Variants in ADGRV1 observed in about 807,000 individuals in gnomAD.
ADGRV1 encodes G-protein coupled receptor 98.
In ADGRV1, 359 loss-of-function variants were observed where a neutral mutation model predicts 596.2. The observed-to-expected ratio is 0.60, with a 90% CI of 0.55 to 0.66. ADGRV1 has a LOEUF of 0.66. Ranked by LOEUF, ADGRV1 falls within the 30% of genes least tolerant of loss-of-function variation. The pLI, the probability that ADGRV1 is intolerant of heterozygous loss-of-function variation, is 0.00. For synonymous variants in ADGRV1, 2,681 were observed against 2,679.2 expected, an observed-to-expected ratio of 1.00 and a Z score of -0.02; for missense variants, 7,274 against 7,575.6, an observed-to-expected ratio of 0.96 and a Z score of 1.48.
intron 29 of ADGRV1, among the ~76,000 whole-genome samples, chr5:90,688,687 A>T (rs141068807): frequency 0.011 from 1,722 of 152,278 alleles, 15 homozygotes; most frequent in Middle Eastern, 0.037. Flanking sequence ...TGGCCAAATT[A>T]TCTATGAATT....
At chr5:90,686,337 T>C (rs1745641520) in intron 29 of ADGRV1, among the ~76,000 whole-genome samples, 1 of 152,114 alleles carries the variant, frequency 6.6e-6, no homozygotes, top group Non-Finnish European at 1.5e-5. Context: ...TGGCATTAGG[T>C]ATATCTCCTA....
At chr5:90,901,617 A>C (rs1371528088) in intron 83 of ADGRV1, among the ~76,000 whole-genome samples, 1 of 152,136 alleles carries the variant, frequency 6.6e-6, no homozygotes, top group Non-Finnish European at 1.5e-5. Context: ...TAATTTTTTA[A>C]AAATTAGTAC....
chr5:91,114,353 C>T (rs1436759597), intron 87 of ADGRV1, among the ~76,000 whole-genome samples: 1 of 152,066 alleles, frequency 6.6e-6, no homozygotes, highest in East Asian at 1.9e-4. Flanking sequence ...ATGGTGAAAC[C>T]CCATCTCTAC....
At chr5:90,764,599 A>G (rs1756883931) in intron 59 of ADGRV1, among the ~76,000 whole-genome samples, 1 of 152,014 alleles carries the variant, frequency 6.6e-6, no homozygotes, top group Non-Finnish European at 1.5e-5. Flanking sequence ...CCTTTGTCCC[A>G]AGGGGACTTT....
intron 70 of ADGRV1, among the ~76,000 whole-genome samples, chr5:90,799,935 G>C (rs1761174253): frequency 6.6e-6 from 1 of 152,032 alleles, no homozygotes; most frequent in South Asian, 2.1e-4. Flanking sequence ...ACTCAAGATG[G>C]ATTAAAGACT....
At chr5:90,866,129 C>A (rs890347035) in intron 83 of ADGRV1, among the ~76,000 whole-genome samples, 1 of 152,032 alleles carries the variant, frequency 6.6e-6, no homozygotes. Context: ...TGAACTAGGA[C>A]TAAGTAGAAC....
chr5:90,866,809 A>G (rs1768164972), intron 83 of ADGRV1, among the ~76,000 whole-genome samples: 1 of 152,156 alleles, frequency 6.6e-6, no homozygotes, highest in African/African-American at 2.4e-5. Flanking sequence ...ATTGATACAG[A>G]AAAATGTTTT....
intron 69 of ADGRV1, among the ~76,000 whole-genome samples, chr5:90,790,501 C>T (rs1759947521): frequency 6.6e-6 from 1 of 152,062 alleles, no homozygotes; most frequent in African/African-American, 2.4e-5. Context: ...TAAAAACAAA[C>T]AAAAATTCTG....
intron 78 of ADGRV1, among the ~76,000 whole-genome samples, chr5:90,843,698 T>C (rs945706344): frequency 6.6e-6 from 1 of 152,182 alleles, no homozygotes; most frequent in Non-Finnish European, 1.5e-5. Flanking sequence ...TCTCTTAGCA[T>C]ACACCAAAGC....
At chr5:90,645,330 G>A (rs1370631216) in intron 15 of ADGRV1, among the ~76,000 whole-genome samples, 2 of 152,174 alleles carry the variant, frequency 1.3e-5, no homozygotes, top group Non-Finnish European at 2.9e-5. Flanking sequence ...AACAGCTGTG[G>A]AGGCCAGTCC....
chr5:90,906,485 T>C (rs1772336250), intron 83 of ADGRV1, among the ~76,000 whole-genome samples: 1 of 152,200 alleles, frequency 6.6e-6, no homozygotes, highest in African/African-American at 2.4e-5. Context: ...TTTGTCCATT[T>C]CTTCTAGATT....
intron 74 of ADGRV1, among the ~76,000 whole-genome samples, chr5:90,813,392 G>A (rs1381500922): frequency 1.3e-5 from 2 of 151,974 alleles, no homozygotes; most frequent in Non-Finnish European, 2.9e-5. Context: ...AAGTGGCAGA[G>A]GACTCTTTAG....
Position 90,777,917 on chromosome 5 carries a change from C to T in ADGRV1, c.12540C>T (p.Gly4180=), listed in dbSNP as rs1359971404. 1.9e-6 allele frequency: 3 copies of T among 1,610,624 alleles called. No individual in the cohort carries two copies. The highest frequency in any genetic ancestry group is 3.3e-5 in the Admixed American group (2 of 59,866). The change falls in exon 62 of 90, where the codon GGC becomes GGT. Residue 4180 remains glycine (G), a synonymous_variant. Coordinates refer to ENST00000405460, the MANE Select transcript of ADGRV1 (RefSeq NM_032119.4). ...TTTATTGTTGTAGCCTTGTTCGAGG[C>T]CCAGGGATTTTGGGGGAGGTCACAG... ...NGTAIISLVR[G]PGILGEVTVF...
At chr5:90,693,849 G>C (rs1177077915) in intron 32 of ADGRV1, 41 bp from the exon 33 acceptor site, 1 of 1,412,952 alleles carries the variant, frequency 7.1e-7, no homozygotes, top group South Asian at 1.5e-5. Context: ...TAATTACTTT[G>C]AGTGCTTAAC....
intron 34 of ADGRV1, among the ~76,000 whole-genome samples, chr5:90,701,580 G>C (rs144586054): frequency 6.6e-6 from 1 of 151,774 alleles, no homozygotes; most frequent in African/African-American, 2.4e-5. Flanking sequence ...CTCTATGTGC[G>C]TGTGTGTGCG....
rs1762388510 is a variant in ADGRV1 at position 90,810,970 on chromosome 5, C to T, written c.15710C>T (p.Thr5237Ile). 4 of 1,614,006 alleles carry T rather than the reference C, an allele frequency of 2.5e-6. No homozygotes were observed. Among genetic ancestry groups the T allele is most frequent in the Non-Finnish European group, 3.4e-6 (4 of 1,179,902 alleles). Residue 5237 changes from threonine to isoleucine, a missense_variant, in exon 74 of 90, where the codon ACA (threonine) becomes ATA (isoleucine). Around this residue, in one of 5 missense-constraint regions of ADGRV1, gnomAD observed 1,874 missense variants for 1,970.2 expected, o/e 0.95. Coordinates refer to ENST00000405460, the MANE Select transcript of ADGRV1 (RefSeq NM_032119.4). ...VYIEEEMKNG[T>I]FNTAEVLIRR... Reference sequence around the variant, plus strand: ...ATTGAAGAGGAGATGAAGAATGGCACATTCAACACTGCAGAAGTTCTTATC... The same window carrying T: ...ATTGAAGAGGAGATGAAGAATGGCATATTCAACACTGCAGAAGTTCTTATC...
intron 86 of ADGRV1, among the ~76,000 whole-genome samples, chr5:91,088,964 C>A (rs1206574407): frequency 1.3e-5 from 2 of 152,068 alleles, no homozygotes; most frequent in African/African-American, 4.8e-5. Flanking sequence ...CCAGGAATTG[C>A]CTTTTTTTTC....
At position 90,701,911 on chromosome 5, in the gene ADGRV1, T is replaced by C. The variant is rs770882650; in HGVS notation, c.8156-1754T>C. 1.1e-4 allele frequency among the ~76,000 whole-genome samples: 17 copies of C among 151,946 alleles called. No individual in the cohort carries two copies. In the South Asian group the frequency reaches 1.2e-3, roughly 11 times the overall value. On this transcript the variant is annotated intron_variant, in intron 34 of 89. Coordinates refer to ENST00000405460, the MANE Select transcript of ADGRV1 (RefSeq NM_032119.4). The stretch of plus-strand genomic sequence containing the variant: ...GAAATTTTTTGACCTGCATTTTGTT[T>C]TCTTGCCATTTGTGTTCTCTTTGCA...
chr5:90,599,600 T>A lies in ADGRV1; in HGVS notation c.23-15235T>A, dbSNP rs374588425. On this transcript the variant is annotated intron_variant, in intron 1 of 89. Transcript: ENST00000405460. ...TATAGAAAGTCATTAAAAATTGATCTTAGGCTTTATCATCTTTTTTTTTAT... is the reference window on the plus strand; with the variant it reads ...TATAGAAAGTCATTAAAAATTGATCATAGGCTTTATCATCTTTTTTTTTAT... Among the ~76,000 whole-genome samples, 5 of 152,330 alleles carry A rather than the reference T, an allele frequency of 3.3e-5. No individual in the cohort carries two copies. The South Asian group carries it at 1.0e-3, about 32-fold the overall frequency.
Sources: gnomAD v4.1 joint callset for allele counts (sites outside exome capture counted in the v4.1 genomes callset) on GRCh38, gnomAD v4.1.1 for gene constraint, gnomAD v4.1.1 regional missense constraint, MANE v1.5 for transcripts, NCBI Gene and HGNC (gene_info 2026-07-23, HGNC 2026-07-21) for gene names.